Variants in GLB1 observed in about 807,000 individuals in gnomAD.
The protein encoded by GLB1 is galactosidase beta 1, also known as beta-galactosidase.
A neutral mutation model predicts 74.0 loss-of-function variants in GLB1; 56 were observed. That is an observed-to-expected ratio of 0.76 (90% CI 0.61 to 0.94). The LOEUF is 0.94. GLB1 is among the 40% of genes least tolerant of loss of function. The probability of loss-of-function intolerance (pLI) is 0.00; values close to 1 mark genes in which losing one functional copy is unlikely to be tolerated. For synonymous variants in GLB1, 323 were observed against 323.6 expected (o/e 1.00, Z 0.02); for missense variants, 787 against 845.5 (o/e 0.93, Z 0.86).
chr3:32,970,449 G>A, the GLB1 span, among the ~76,000 whole-genome samples: 1 of 152,106 alleles, frequency 6.6e-6, no homozygotes, highest in African/African-American at 2.4e-5. Context: ...AAAGGCAAAT[G>A]CAGGCTTTAA....
the GLB1 span, among the ~76,000 whole-genome samples, chr3:32,982,082 G>A: frequency 5.9e-5 from 9 of 152,178 alleles, no homozygotes; most frequent in African/African-American, 2.2e-4. Flanking sequence ...GGGAGGCTGA[G>A]GTGGGTGGAT....
At chr3:32,973,023 T>C in the GLB1 span, among the ~76,000 whole-genome samples, 3 of 152,224 alleles carry the variant, frequency 2.0e-5, no homozygotes, top group East Asian at 1.9e-4. Flanking sequence ...CATGTCTCAA[T>C]TGAATAACTG....
At chr3:32,972,312 G>A in the GLB1 span, among the ~76,000 whole-genome samples, 2 of 152,152 alleles carry the variant, frequency 1.3e-5, no homozygotes, top group South Asian at 2.1e-4. Context: ...TCTTAGCCTC[G>A]GAAGGAGGAG....
chr3:33,089,288 C>G (rs62250507), intron 1 of GLB1, among the ~76,000 whole-genome samples: 7,247 of 152,278 alleles, frequency 0.048, 246 homozygotes, highest in Non-Finnish European at 0.068. Flanking sequence ...CTGCATTAAA[C>G]TTTAAAACTC....
rs77434219 is a variant in GLB1, at chr3:33,046,409, T to C, written c.956-177A>G. 1.8e-3 allele frequency among the ~76,000 whole-genome samples: 277 copies of C among 152,202 alleles called. 1 individual carries two copies. Among genetic ancestry groups the C allele is most frequent in the African/African-American group, 6.4e-3 (266 of 41,524 alleles). ...CAACGTTTAGAGGAAGGAATTTCTT[T>C]CTACAGGTAGCAGTTACCAGGCACC... On this transcript the variant is annotated intron_variant, in intron 9 of 15. Transcript: ENST00000307363.
chr3:33,091,706 C>G (rs1017355096), intron 1 of GLB1: 30 of 985,158 alleles, frequency 3.0e-5, no homozygotes, highest in Non-Finnish European at 3.5e-5. Context: ...ACCCACCCAA[C>G]GCTGCCCTAT....
At chr3:33,034,565 A>C (rs1036301895) in intron 10 of GLB1, 1 of 722,702 alleles carries the variant, frequency 1.4e-6, no homozygotes, top group Non-Finnish European at 2.6e-6. Context: ...TCGTGTGTTC[A>C]TCTGGACCTG....
the GLB1 span, among the ~76,000 whole-genome samples, chr3:32,976,012 T>TA: frequency 6.6e-6 from 1 of 152,194 alleles, no homozygotes; most frequent in Non-Finnish European, 1.5e-5. Context: ...GGCAGGGGCT[T>TA]AATCTCAGTC....
intron 15 of GLB1, among the ~76,000 whole-genome samples, chr3:32,997,862 G>A (rs1392402150): frequency 1.3e-5 from 2 of 152,218 alleles, no homozygotes; most frequent in African/African-American, 4.8e-5. Flanking sequence ...TGAACACAGG[G>A]AACAGAGGAC....
chr3:33,068,097 G>T, intron 4 of GLB1, 133 bp downstream of exon 4: 1 of 1,312,158 alleles, frequency 7.6e-7, no homozygotes, highest in Admixed American at 1.8e-5. Flanking sequence ...ATTTTGGCCA[G>T]CCTGGTCTCG....
At chr3:33,011,479 A>G (rs972321649) in intron 15 of GLB1, among the ~76,000 whole-genome samples, 10 of 150,678 alleles carry the variant, frequency 6.6e-5, no homozygotes, top group Non-Finnish European at 1.3e-4. Context: ...AAAATAAAAT[A>G]AAAATAATAA....
intron 10 of GLB1, chr3:33,034,520 C>T: frequency 1.4e-6 from 1 of 731,694 alleles, no homozygotes; most frequent in Non-Finnish European, 2.5e-6. Flanking sequence ...CATCAGCCTG[C>T]CCACCAGCAC....
the GLB1 span, among the ~76,000 whole-genome samples, chr3:32,974,975 C>T: frequency 6.6e-6 from 1 of 152,206 alleles, no homozygotes; most frequent in Non-Finnish European, 1.5e-5. Context: ...ATAAAATTAA[C>T]CATCACGAGT....
At chr3:33,007,900 G>A (rs950688640) in intron 15 of GLB1, among the ~76,000 whole-genome samples, 1 of 152,154 alleles carries the variant, frequency 6.6e-6, no homozygotes, top group African/African-American at 2.4e-5. Context: ...TTCAAGACAC[G>A]GCTGGGGCTC....
intron 1 of GLB1, among the ~76,000 whole-genome samples, chr3:33,074,234 G>A (rs1700000085): frequency 6.7e-6 from 1 of 149,844 alleles, no homozygotes; most frequent in Non-Finnish European, 1.5e-5. Context: ...CCCTGGAACC[G>A]GAGAGGTGGA....
chr3:33,063,145 A>C (rs191268134), intron 5 of GLB1, among the ~76,000 whole-genome samples: 2 of 152,332 alleles, frequency 1.3e-5, no homozygotes, highest in East Asian at 3.9e-4. Flanking sequence ...AAAGATGATG[A>C]AAGAATTTTG....
chr3:33,043,337 T>C (rs1008424606), intron 10 of GLB1, among the ~76,000 whole-genome samples: 2 of 152,184 alleles, frequency 1.3e-5, no homozygotes, highest in African/African-American at 4.8e-5. Context: ...GCTATGTGTT[T>C]GTCACAGGGC....
the GLB1 span, among the ~76,000 whole-genome samples, chr3:32,966,237 C>T: frequency 6.6e-6 from 1 of 152,202 alleles, no homozygotes; most frequent in Admixed American, 6.5e-5. Context: ...GCGGGCTATA[C>T]CCTGCAAAGC....
At chr3:33,009,548 C>T (rs1219048132) in intron 15 of GLB1, among the ~76,000 whole-genome samples, 1 of 152,042 alleles carries the variant, frequency 6.6e-6, no homozygotes, top group Non-Finnish European at 1.5e-5. Flanking sequence ...GATTTAAGAG[C>T]AAGGTTGGTA....
Sources: allele counts gnomAD v4.1 joint callset (sites outside exome capture counted in the v4.1 genomes callset), GRCh38; gene constraint gnomAD v4.1.1; transcripts MANE v1.5; gene names NCBI Gene and HGNC (gene_info 2026-07-23, HGNC 2026-07-21).